The following SEPHS1 variants were observed in gnomAD, a reference collection of about 807,000 sequenced individuals.
The protein encoded by SEPHS1 is selenophosphate synthetase 1.
A neutral mutation model predicts 39.2 loss-of-function variants in SEPHS1; 7 were observed. The observed-to-expected ratio is 0.18, with a 90% CI of 0.10 to 0.34. SEPHS1 has a LOEUF of 0.34. Among genes scored for constraint, SEPHS1 ranks in the 10% least tolerant of loss-of-function variants. SEPHS1 has a pLI of 1.00. For missense variants in SEPHS1, 253 were observed against 514.5 expected (o/e 0.49, Z 4.92); for synonymous variants, 190 against 195.5 (o/e 0.97, Z 0.23).
chr10:13,343,091 G>A (rs973252857), intron 2 of SEPHS1, among the ~76,000 whole-genome samples: 5 of 152,154 alleles, frequency 3.3e-5, no homozygotes, highest in African/African-American at 9.7e-5. Context: ...AGGGCTGGGT[G>A]ACATTCATGA....
intron 1 of SEPHS1, among the ~76,000 whole-genome samples, chr10:13,346,412 C>G (rs7902331): frequency 1.3e-5 from 2 of 152,090 alleles, no homozygotes; most frequent in Non-Finnish European, 2.9e-5. Context: ...ATAAATCTCA[C>G]GAAGCCCGAG....
chr10:13,336,670 G>C (rs1178520782), intron 3 of SEPHS1, among the ~76,000 whole-genome samples: 1 of 152,176 alleles, frequency 6.6e-6, no homozygotes, highest in Non-Finnish European at 1.5e-5. Flanking sequence ...TATGTGCAGC[G>C]AATGAGGAGG....
intron 8 of SEPHS1, chr10:13,322,211 G>A (rs184111635): frequency 1.2e-3 from 412 of 346,058 alleles, no homozygotes; most frequent in African/African-American, 8.2e-3. Flanking sequence ...GCGCAATCTC[G>A]GCTCACTGCA....
At chr10:13,334,192 G>GT (rs776387075) in intron 4 of SEPHS1, among the ~76,000 whole-genome samples, 28 of 152,148 alleles carry the variant, frequency 1.8e-4, no homozygotes, top group Middle Eastern at 3.2e-3. Flanking sequence ...GAGCCCAGGA[G>GT]TTTAAGACCA....
At chr10:13,325,939 TCAGTCTCAAAAAAAAAAAAA>T (rs1564444609) in intron 7 of SEPHS1, among the ~76,000 whole-genome samples, 1,134 of 25,876 alleles carry the variant, frequency 0.044, 79 homozygotes, top group African/African-American at 0.14. Flanking sequence ...AAAAAGAGAC[TCAGTCTCAAAAAAAAAAAAA>T]AAAAATAATA....
chr10:13,319,689 A>C (rs890103291), intron 8 of SEPHS1, among the ~76,000 whole-genome samples: 1 of 152,182 alleles, frequency 6.6e-6, no homozygotes, highest in Non-Finnish European at 1.5e-5. Context: ...TGTGTTGTCC[A>C]GGCTGGTCTA....
intron 1 of SEPHS1, among the ~76,000 whole-genome samples, chr10:13,346,741 A>G (rs1487889012): frequency 6.6e-6 from 1 of 152,112 alleles, no homozygotes; most frequent in Non-Finnish European, 1.5e-5. Context: ...AAAAGAAAAA[A>G]TCCAACTCAC....
chr10:13,344,778 C>T lies in SEPHS1; in HGVS notation c.173G>A (p.Gly58Glu). 6.5e-7 allele frequency: 1 copy of T among 1,547,146 alleles called. No individual in the cohort carries two copies. Among genetic ancestry groups the T allele is most frequent in the Non-Finnish European group, 8.8e-7 (1 of 1,140,844 alleles). The change falls in exon 2 of 9, where the codon GGA (glycine) becomes GAA (glutamate). Residue 58 changes from glycine to glutamate, a missense_variant. Transcript: ENST00000327347. ...NHFQEDEQFL[G>E]AVMPRLGIGM... ...CCTACCAAGCCTTGGCATAACGGCT[C>T]CCAGAAACTGCTCATCTTCTTGGAA... is the stretch of plus-strand genomic sequence containing the variant.
At chr10:13,337,469 A>C (rs145314533) in intron 3 of SEPHS1, among the ~76,000 whole-genome samples, 1 of 152,232 alleles carries the variant, frequency 6.6e-6, no homozygotes, top group Non-Finnish European at 1.5e-5. Flanking sequence ...TGACATAAGG[A>C]TAATCAAACT....
At chr10:13,338,904 A>AT in intron 2 of SEPHS1, 96 bp from the exon 3 acceptor site, 3 of 869,972 alleles carry the variant, frequency 3.4e-6, no homozygotes, top group Non-Finnish European at 3.9e-6. Flanking sequence ...CTCATAAGAT[A>AT]CTTATGGAAA....
chr10:13,346,620 T>C (rs541550155), intron 1 of SEPHS1, among the ~76,000 whole-genome samples: 31 of 146,286 alleles, frequency 2.1e-4, no homozygotes, highest in African/African-American at 5.9e-4. Context: ...ATGGGAAAGT[T>C]TGAATACCAC....
At chr10:13,320,398 G>C (rs546765050) in intron 8 of SEPHS1, among the ~76,000 whole-genome samples, 1 of 151,668 alleles carries the variant, frequency 6.6e-6, no homozygotes, top group African/African-American at 2.4e-5. Flanking sequence ...AGCCAGGATG[G>C]TCTCGATCTC....
intron 2 of SEPHS1, 75 bp downstream of exon 2, chr10:13,344,683 C>A: frequency 1.9e-6 from 2 of 1,072,786 alleles, no homozygotes; most frequent in Admixed American, 2.9e-5. Context: ...AAATAGGCAA[C>A]ATGGGAGGCG....
At chr10:13,326,467 C>T (rs572165733) in intron 7 of SEPHS1, among the ~76,000 whole-genome samples, 64 of 126,376 alleles carry the variant, frequency 5.1e-4, no homozygotes, top group African/African-American at 1.6e-3. Context: ...GAGCAAAACT[C>T]CATCTCAAAA....
chr10:13,329,855 C>A (rs61851591), intron 5 of SEPHS1, 67 bp from the exon 6 acceptor site: 76,350 of 1,257,734 alleles, frequency 0.061, 2,715 homozygotes, highest in Non-Finnish European at 0.07. Context: ...GTTATTAACA[C>A]AAGAGAAGGA....
In SEPHS1 at chr10:13,317,977, T is replaced by TAA. The variant is rs1212211825; in HGVS notation, c.*1163_*1164dup. 2.6e-5 allele frequency: 4 copies of TAA among 152,228 alleles called. No individual in the cohort carries two copies. 9.4% of individuals were successfully genotyped at this position (152,228 alleles called of 1,614,324 possible). ...TCCCATGAAAGACTTAAAAGTTTTA[T>TAA]AAAACTAAAATCTAGTTTTTCCCGA... is the stretch of plus-strand genomic sequence containing the variant. On this transcript the variant is annotated 3_prime_UTR_variant, in exon 9 of 9. Coordinates refer to ENST00000327347, the MANE Select transcript of SEPHS1 (RefSeq NM_012247.5).
chr10:13,338,838 A>C (rs1292556197), intron 2 of SEPHS1, 30 bp from the exon 3 acceptor site: 1 of 1,517,012 alleles, frequency 6.6e-7, no homozygotes, highest in Non-Finnish European at 9.2e-7. Flanking sequence ...TAGCATCCAA[A>C]AATAAAACGG....
At chr10:13,342,664 T>C (rs550608414) in intron 2 of SEPHS1, among the ~76,000 whole-genome samples, 8 of 152,118 alleles carry the variant, frequency 5.3e-5, no homozygotes, top group Middle Eastern at 3.2e-3. Flanking sequence ...TACACATACA[T>C]GTATTATATA....
chr10:13,346,818 G>A (rs985684297), intron 1 of SEPHS1, among the ~76,000 whole-genome samples: 2 of 152,156 alleles, frequency 1.3e-5, no homozygotes, highest in Non-Finnish European at 2.9e-5. Context: ...GTGGGGAGGG[G>A]AATTGTGTGG....
Sources: allele counts gnomAD v4.1 joint callset (sites outside exome capture counted in the v4.1 genomes callset), GRCh38; gene constraint gnomAD v4.1.1; transcripts MANE v1.5; gene names NCBI Gene and HGNC (gene_info 2026-07-23, HGNC 2026-07-21).